The following PPP6R2 variants were observed in gnomAD, a reference collection of about 807,000 sequenced individuals.
The protein encoded by PPP6R2 is protein phosphatase 6 regulatory subunit 2.
In PPP6R2, 62 loss-of-function variants were observed where a neutral mutation model predicts 100.2. The ratio of observed to expected loss-of-function variants is 0.62; its 90% confidence interval spans 0.50 to 0.76. The LOEUF is 0.76. Ranked by LOEUF, PPP6R2 falls within the 30% of genes least tolerant of loss-of-function variation. The probability of loss-of-function intolerance (pLI) is 0.00; values close to 1 mark genes in which losing one functional copy is unlikely to be tolerated. For synonymous variants in PPP6R2, 525 were observed against 514.7 expected, an observed-to-expected ratio of 1.02 and a Z score of -0.27; for missense variants, 1,142 against 1,276.3, an observed-to-expected ratio of 0.89 and a Z score of 1.60.
chr22:50,436,935 G>T, intron 14 of PPP6R2, 53 bp from the exon 15 acceptor site: 1 of 1,461,942 alleles, frequency 6.8e-7, no homozygotes, highest in South Asian at 1.2e-5. Context: ...GCTGGGTGGG[G>T]TCTGGGGCGC....
In PPP6R2 at chr22:50,423,311, T is replaced by A. The variant is rs1034032526; in HGVS notation, c.973-151T>A. On this transcript the variant is annotated intron_variant, in intron 9 of 23. Coordinates refer to ENST00000612753, the MANE Select transcript of PPP6R2 (RefSeq NM_001242898.2). This position sits in a 1 kb window ranked among gnomAD's most constrained non-coding sequence, Gnocchi z 4.8. ...ACCCCATTGATGCCTTCATTTCTTC[T>A]GGCAGACGGCCCTCCCTGAGGAACC... The A allele has an allele frequency of 2.6e-5, 22 of 840,818 alleles. No individual in the cohort carries two copies. The highest frequency in any genetic ancestry group is 3.4e-5 in the Non-Finnish European group (19 of 551,706). The allele number at this position is 840,818 out of a possible 1,614,324, so 52.1% of individuals were successfully genotyped here.
intron 3 of PPP6R2, among the ~76,000 whole-genome samples, chr22:50,405,058 C>A (rs1225645804): frequency 6.6e-6 from 1 of 152,212 alleles, no homozygotes; most frequent in Non-Finnish European, 1.5e-5. Context: ...AACGTTCTTG[C>A]GTAGTGCCTC....
In PPP6R2 at chr22:50,370,444, C is replaced by T. The variant is rs1438116181; in HGVS notation, c.-147-1576C>T. Among the ~76,000 whole-genome samples the T allele has an allele frequency of 1.3e-4, 19 of 146,042 alleles. No individual in the cohort carries two copies. The East Asian group carries it at 1.5e-3, about 11-fold the overall frequency. On this transcript the variant is annotated intron_variant, in intron 1 of 23. Coordinates refer to ENST00000612753, the MANE Select transcript of PPP6R2 (RefSeq NM_001242898.2). ...ATGGGATTACAGGCGCCTGCCACCA[C>T]GCCCAGCTAATTTTTTGTGTTTTTA... is the stretch of plus-strand genomic sequence containing the variant.
Position 50,444,828 on chromosome 22 carries a change from A to G in PPP6R2, c.*581A>G, listed in dbSNP as rs2066676838. On this transcript the variant is annotated 3_prime_UTR_variant, in exon 24 of 24. Transcript: ENST00000612753. ...TGCAAGATTTGACTGCCTTAAAAAC[A>G]CAAGGCCCTCTAGGCCTGGCAGGGA... 1 of 155,488 alleles carries G rather than the reference A, an allele frequency of 6.4e-6. No individual in the cohort carries two copies. Among genetic ancestry groups the G allele is most frequent in the Non-Finnish European group, 1.4e-5 (1 of 70,346 alleles). 9.6% of individuals were successfully genotyped at this position (155,488 alleles called of 1,614,324 possible).
intron 1 of PPP6R2, among the ~76,000 whole-genome samples, chr22:50,365,981 C>T (rs1454812898): frequency 6.6e-6 from 1 of 152,114 alleles, no homozygotes; most frequent in Non-Finnish European, 1.5e-5. Context: ...TTCCTGCTCC[C>T]TTGCATGCCT....
chr22:50,440,968 C>G lies in PPP6R2; in HGVS notation c.2521C>G (p.Pro841Ala). ...ASAMDAVSRG[P>A]GREAPPLPTV... Reference sequence around the variant, plus strand: ...TGCCATGGATGCGGTGAGCAGGGGTCCCGGCCGGGAGGCCCCCCCGCTGCC... The same window carrying G: ...TGCCATGGATGCGGTGAGCAGGGGTGCCGGCCGGGAGGCCCCCCCGCTGCC... Residue 841 changes from proline to alanine, a missense_variant, in exon 22 of 24, where the codon CCC becomes GCC. Pro to Ala is a conservative substitution (Grantham distance 27). Transcript: ENST00000612753. 6.2e-7 allele frequency: 1 copy of G among 1,612,018 alleles called. No homozygotes were observed.
chr22:50,441,707 C>G (rs77923049), intron 22 of PPP6R2, among the ~76,000 whole-genome samples: 3,959 of 152,220 alleles, frequency 0.026, 66 homozygotes, highest in African/African-American at 0.041. Flanking sequence ...GAGGGAGGCT[C>G]TCCCTGTGAG....
At chr22:50,351,097 A>G (rs377270986) in intron 1 of PPP6R2, among the ~76,000 whole-genome samples, 1 of 124,688 alleles carries the variant, frequency 8.0e-6, no homozygotes, top group Non-Finnish European at 1.6e-5. Context: ...CTGGAGTGCA[A>G]TGGCGCAATC....
intron 21 of PPP6R2, 47 bp from the exon 22 acceptor site, chr22:50,440,775 G>C (rs1478284122): frequency 1.2e-6 from 2 of 1,601,108 alleles, no homozygotes; most frequent in Admixed American, 1.7e-5. Context: ...GCCGCACCCT[G>C]TGACCCCTCC....
At chr22:50,401,602 C>G (rs921946712) in intron 3 of PPP6R2, among the ~76,000 whole-genome samples, 1 of 150,412 alleles carries the variant, frequency 6.6e-6, no homozygotes, top group African/African-American at 2.5e-5. Flanking sequence ...AGCTCTGCCT[C>G]CTGGGTTCAC....
intron 13 of PPP6R2, among the ~76,000 whole-genome samples, chr22:50,435,626 A>G (rs981102186): frequency 2.0e-5 from 3 of 152,310 alleles, no homozygotes; most frequent in African/African-American, 7.2e-5. Flanking sequence ...ATACCCGTGT[A>G]AGGTGAGGAA....
Position 50,372,125 on chromosome 22 carries a change from A to T in PPP6R2, c.-42A>T, listed in dbSNP as rs1302200823. ...TTTTTCTGTTTTGCCTGAATACATG[A>T]TTTAAACAAGAGATTTCCACAGAAG... On this transcript the variant is annotated 5_prime_UTR_variant, in exon 2 of 24. Transcript: ENST00000612753. 6.6e-6 allele frequency: 1 copy of T among 152,202 alleles called. No individual in the cohort carries two copies. Among genetic ancestry groups the T allele is most frequent in the East Asian group, 1.9e-4 (1 of 5,200 alleles). 9.4% of individuals were successfully genotyped at this position (152,202 alleles called of 1,614,324 possible).
At position 50,431,791 on chromosome 22, in the gene PPP6R2, G is replaced by A. The variant is rs2063194393; in HGVS notation, c.1335+409G>A. ...TGTCACCCGGATAGCAAGGCCACAG[G>A]TATATCGTAGTGTGAGGTGGAGCCC... On this transcript the variant is annotated intron_variant, in intron 11 of 23. Coordinates refer to ENST00000612753, the MANE Select transcript of PPP6R2 (RefSeq NM_001242898.2). The surrounding 1 kb of genome is among the most constrained non-coding windows in gnomAD (Gnocchi z 4.8). Among the ~76,000 whole-genome samples the A allele has an allele frequency of 6.6e-6, 1 of 152,188 alleles. No individual in the cohort carries two copies. The highest frequency in any genetic ancestry group is 2.4e-5 in the African/African-American group (1 of 41,434).
intron 3 of PPP6R2, among the ~76,000 whole-genome samples, chr22:50,395,225 C>T (rs568560281): frequency 1.6e-4 from 25 of 152,306 alleles, no homozygotes; most frequent in East Asian, 3.9e-4. Context: ...TGGTACCGTC[C>T]GTTCTCAGAG....
chr22:50,378,745 T>TG (rs1332247647), intron 2 of PPP6R2, among the ~76,000 whole-genome samples: 1 of 150,276 alleles, frequency 6.7e-6, no homozygotes, highest in East Asian at 2.0e-4. Context: ...CTGGGCCTGG[T>TG]GGGGCATGCC....
In PPP6R2 at chr22:50,440,667, T is replaced by C; in HGVS notation, c.2375-155T>C. On this transcript the variant is annotated intron_variant, in intron 21 of 23. Coordinates refer to ENST00000612753, the MANE Select transcript of PPP6R2 (RefSeq NM_001242898.2). ...AGACCCCATGGCAGGTGCGTGAGCCTGTCTGCCTCATCATGCGGCTCCCAC... is the reference window on the plus strand; with the variant it reads ...AGACCCCATGGCAGGTGCGTGAGCCCGTCTGCCTCATCATGCGGCTCCCAC... 2.4e-6 allele frequency: 2 copies of C among 818,092 alleles called. 1 individual carries two copies. The highest frequency in any genetic ancestry group is 7.5e-4 in the Middle Eastern group (2 of 2,652). The allele number at this position is 818,092 out of a possible 1,614,324, so 50.7% of individuals were successfully genotyped here. A position where few individuals can be genotyped will look rare whatever the true frequency, so the allele number is the denominator to read the frequency against.
chr22:50,414,512 G>C, intron 4 of PPP6R2, 40 bp from the exon 5 acceptor site: 2 of 1,605,660 alleles, frequency 1.2e-6, no homozygotes, highest in Non-Finnish European at 8.5e-7. Flanking sequence ...AGGGTTGTCA[G>C]GGTCGGCCCC....
chr22:50,421,086 TTCTCTC>T (rs138807034), intron 8 of PPP6R2, among the ~76,000 whole-genome samples: 2 of 149,502 alleles, frequency 1.3e-5, no homozygotes, highest in East Asian at 1.9e-4. Flanking sequence ...AGGACTCTCT[TTCTCTC>T]TCTCTCTCTC....
Position 50,438,623 on chromosome 22 carries a change from G to A in PPP6R2, c.1989G>A (p.Glu663=). 1.2e-6 allele frequency: 2 copies of A among 1,614,078 alleles called. No homozygotes were observed. Among genetic ancestry groups the A allele is most frequent in the Non-Finnish European group, 8.5e-7 (1 of 1,180,002 alleles). Residue 663 remains glutamate (E), a synonymous_variant, in exon 19 of 24, where the codon GAG becomes GAA. Coordinates refer to ENST00000612753, the MANE Select transcript of PPP6R2 (RefSeq NM_001242898.2). ...GGTTTGGAGCCCCCCATGCTTCAGA[G>A]AGTTGCTCAAAGAATGGCCCAGAGC... ...RPRFGAPHAS[E]SCSKNGPERG... is the part of the protein sequence containing the mutation.
Sources: gnomAD v4.1 joint callset for allele counts (sites outside exome capture counted in the v4.1 genomes callset) on GRCh38, gnomAD v4.1.1 for gene constraint, Gnocchi (gnomAD v3.1) non-coding constraint, MANE v1.5 for transcripts, NCBI Gene and HGNC (gene_info 2026-07-23, HGNC 2026-07-21) for gene names.